Variants in TMEM150C observed in about 807,000 individuals in gnomAD.
TMEM150C encodes the protein tentonin 3.
In TMEM150C, 10 loss-of-function variants were observed where a neutral mutation model predicts 29.9. The ratio of observed to expected loss-of-function variants is 0.33; its 90% CI spans 0.21 to 0.57. TMEM150C has a LOEUF of 0.57. Among genes scored for constraint, TMEM150C ranks in the 20% least tolerant of loss-of-function variants. TMEM150C has a pLI of 0.88. For missense variants in TMEM150C, 251 were observed against 303.6 expected, an observed-to-expected ratio of 0.83 and a Z score of 1.29; for synonymous variants, 101 against 112.5, an observed-to-expected ratio of 0.90 and a Z score of 0.64.
chr4:82,491,485 G>T, intron 6 of TMEM150C: 2 of 681,712 alleles, frequency 2.9e-6, no homozygotes, highest in Non-Finnish European at 2.6e-6. Flanking sequence ...AAGCGAGTGA[G>T]GTCACTTTTG....
intron 1 of TMEM150C, among the ~76,000 whole-genome samples, chr4:82,524,528 C>G (rs1467077206): frequency 6.6e-6 from 1 of 152,146 alleles, no homozygotes; most frequent in East Asian, 1.9e-4. Flanking sequence ...CAGAAAATTA[C>G]TCAAGTAATT....
intron 2 of TMEM150C, among the ~76,000 whole-genome samples, chr4:82,504,118 A>G (rs145442161): frequency 1.2e-3 from 182 of 152,358 alleles, no homozygotes; most frequent in Middle Eastern, 6.8e-3. Flanking sequence ...GAAAATGGGA[A>G]AAGAAATGAG....
chr4:82,493,208 T>C (rs544207559), intron 6 of TMEM150C, among the ~76,000 whole-genome samples: 5 of 152,090 alleles, frequency 3.3e-5, no homozygotes, highest in Admixed American at 2.0e-4. Flanking sequence ...TGTTTTTGGC[T>C]GTAGGATTTT....
chr4:82,541,346 A>T (rs944098493), intron 1 of TMEM150C, among the ~76,000 whole-genome samples: 1 of 152,068 alleles, frequency 6.6e-6, no homozygotes, highest in African/African-American at 2.4e-5. Flanking sequence ...AGAGGAGGCA[A>T]TGTTTCATTC....
chr4:82,550,967 G>C (rs148783481), intron 1 of TMEM150C, among the ~76,000 whole-genome samples: 1 of 152,296 alleles, frequency 6.6e-6, no homozygotes, highest in Admixed American at 6.5e-5. Context: ...GTATGGTTTA[G>C]TGGAGGTGAA....
intron 5 of TMEM150C, among the ~76,000 whole-genome samples, chr4:82,501,316 C>T (rs1451314346): frequency 6.6e-6 from 1 of 152,126 alleles, no homozygotes; most frequent in African/African-American, 2.4e-5. Flanking sequence ...CTGCAGGTGC[C>T]ATCCTTCTTG....
In TMEM150C at chr4:82,502,771, G is replaced by C. The variant is rs369970649; in HGVS notation, c.191C>G (p.Ala64Gly). ...CATAACTTGACTAAACACACAGCTT[G>C]CAGGAGGATCATCACCTGCAATGCT... ...YISIAGDDPP[A>G]SCVFSQVMNM... The change falls in exon 5 of 8, where the codon GCA becomes GGA. Residue 64 changes from alanine (A) to glycine (G), a missense_variant. Ala to Gly is a moderately conservative substitution (Grantham distance 60). Coordinates refer to ENST00000449862, the MANE Select transcript of TMEM150C (RefSeq NM_001080506.3). The C allele has an allele frequency of 6.2e-7, 1 of 1,608,572 alleles. No individual in the cohort carries two copies. The highest frequency in any genetic ancestry group is 8.5e-7 in the Non-Finnish European group (1 of 1,177,292).
chr4:82,525,785 C>T (rs982710803), intron 1 of TMEM150C, among the ~76,000 whole-genome samples: 45 of 152,030 alleles, frequency 3.0e-4, no homozygotes, highest in African/African-American at 1.0e-3. Context: ...GGCAGGGTGG[C>T]TGTGGTTTGC....
rs1724429351 is a variant in TMEM150C, at chr4:82,519,884, C to T, written c.-10-15217G>A. Among the ~76,000 whole-genome samples the T allele has an allele frequency of 3.3e-5, 5 of 152,298 alleles. No homozygotes were observed. The South Asian group carries it at 1.0e-3, about 32-fold the overall frequency. On this transcript the variant is annotated intron_variant, in intron 1 of 7. Transcript: ENST00000449862. ...TGAATGTGCTCCTCCCCATCTATTT[C>T]AAAATATCTTAATATTTTTGGACCT...
chr4:82,525,994 T>G (rs1431511755), intron 1 of TMEM150C, among the ~76,000 whole-genome samples: 1 of 152,192 alleles, frequency 6.6e-6, no homozygotes, highest in Non-Finnish European at 1.5e-5. Flanking sequence ...AGCCTCCACC[T>G]CCTGGGCTCA....
rs553657278 is a variant in TMEM150C, at chr4:82,517,700, C to T, written c.-10-13033G>A. ...ACCATCGGCTCCCCTTGCTCTCAGG[C>T]CTCCAGACTTGGACTGGATTGTAAC... On this transcript the variant is annotated intron_variant, in intron 1 of 7. Coordinates refer to ENST00000449862, the MANE Select transcript of TMEM150C (RefSeq NM_001080506.3). 1.3e-3 allele frequency among the ~76,000 whole-genome samples: 197 copies of T among 152,274 alleles called. 1 individual carries two copies. Among genetic ancestry groups the T allele is most frequent in the Non-Finnish European group, 1.8e-3 (121 of 68,020 alleles).
intron 7 of TMEM150C, among the ~76,000 whole-genome samples, chr4:82,486,295 C>T (rs1463132102): frequency 7.2e-6 from 1 of 138,702 alleles, no homozygotes; most frequent in African/African-American, 2.8e-5. Flanking sequence ...CAAGACCGGC[C>T]ACTGCACTCC....
intron 5 of TMEM150C, among the ~76,000 whole-genome samples, chr4:82,500,697 A>G (rs1343848492): frequency 1.3e-5 from 2 of 152,240 alleles, no homozygotes; most frequent in East Asian, 1.9e-4. Context: ...CATAAGCCTT[A>G]TAACTGGATA....
chr4:82,518,308 C>T (rs577492941), intron 1 of TMEM150C, among the ~76,000 whole-genome samples: 32 of 151,558 alleles, frequency 2.1e-4, no homozygotes, highest in Admixed American at 2.0e-3. Context: ...AGAGCGAGAC[C>T]CCATCTCAAA....
chr4:82,508,754 C>T (rs776605084), intron 1 of TMEM150C, among the ~76,000 whole-genome samples: 1 of 152,220 alleles, frequency 6.6e-6, no homozygotes, highest in Non-Finnish European at 1.5e-5. Flanking sequence ...GTGTGAGCCA[C>T]TGCACCTGGC....
At chr4:82,496,523 A>G (rs1723562848) in intron 5 of TMEM150C, among the ~76,000 whole-genome samples, 1 of 152,246 alleles carries the variant, frequency 6.6e-6, no homozygotes, top group South Asian at 2.1e-4. Flanking sequence ...GGATGATAGG[A>G]CTATGAATAG....
rs114286703 is a variant in TMEM150C at position 82,539,432 on chromosome 4, T to C, written c.-11+22474A>G. Among the ~76,000 whole-genome samples the C allele has an allele frequency of 4.0e-5, 6 of 151,812 alleles. No individual in the cohort carries two copies. In the East Asian group the frequency reaches 5.8e-4, roughly 15 times the overall value. On this transcript the variant is annotated intron_variant, in intron 1 of 7. Transcript: ENST00000449862. Reference sequence around the variant, plus strand: ...AATTAATGAGTGTTCATATAATGAATTGGATAAAGGATAAAAATCCAAACA... The same window carrying C: ...AATTAATGAGTGTTCATATAATGAACTGGATAAAGGATAAAAATCCAAACA...
chr4:82,530,093 T>A (rs887650416), intron 1 of TMEM150C, among the ~76,000 whole-genome samples: 1 of 150,928 alleles, frequency 6.6e-6, no homozygotes, highest in Non-Finnish European at 1.5e-5. Flanking sequence ...AATCTCTCTC[T>A]CTCTCTCTCT....
At chr4:82,560,556 G>C (rs1036115739) in intron 1 of TMEM150C, among the ~76,000 whole-genome samples, 10 of 152,152 alleles carry the variant, frequency 6.6e-5, no homozygotes, top group African/African-American at 9.7e-5. Flanking sequence ...GGAGTCTCTA[G>C]AACACATACA....
Sources: allele counts gnomAD v4.1 joint callset (sites outside exome capture counted in the v4.1 genomes callset), GRCh38; gene constraint gnomAD v4.1.1; transcripts MANE v1.5; gene names NCBI Gene and HGNC (gene_info 2026-07-23, HGNC 2026-07-21).